Variants in MYZAP observed in about 807,000 individuals in gnomAD.
The protein encoded by MYZAP is myocardial zonula adherens protein.
Under a neutral mutation model 69.4 loss-of-function variants are expected in MYZAP, and 66 were observed. The ratio of observed to expected loss-of-function variants is 0.95; its 90% CI spans 0.78 to 1.17. The LOEUF (loss-of-function observed/expected upper bound fraction) is 1.17. Among genes scored for constraint, MYZAP ranks in the 50% most tolerant of loss-of-function variants. The probability of loss-of-function intolerance (pLI) is 0.00; values close to 1 mark genes in which losing one functional copy is unlikely to be tolerated. For missense variants in MYZAP, 611 were observed against 556.2 expected (o/e 1.10, Z -0.99); for synonymous variants, 256 against 205.9 (o/e 1.24, Z -2.09).
At chr15:57,651,467 T>G (rs1312950556) in intron 10 of MYZAP, among the ~76,000 whole-genome samples, 2 of 152,188 alleles carry the variant, frequency 1.3e-5, no homozygotes. Context: ...AGATATCACA[T>G]GTCAACCTTC....
chr15:57,680,963 G>C (rs1567245285), intron 12 of MYZAP, among the ~76,000 whole-genome samples: 1 of 152,228 alleles, frequency 6.6e-6, no homozygotes, highest in Admixed American at 6.5e-5. Context: ...AAGGCAAATG[G>C]TTGGGTTTCA....
chr15:57,662,343 A>G (rs1466296742), intron 11 of MYZAP, among the ~76,000 whole-genome samples: 1 of 152,254 alleles, frequency 6.6e-6, no homozygotes, highest in African/African-American at 2.4e-5. Context: ...GAGAGAGCCC[A>G]GCAGACAATG....
intron 11 of MYZAP, 76 bp from the exon 12 acceptor site, chr15:57,674,892 C>A: frequency 7.8e-7 from 1 of 1,278,044 alleles, no homozygotes; most frequent in Non-Finnish European, 1.1e-6. Flanking sequence ...TCAGATAATA[C>A]ATATAAATTG....
chr15:57,597,954 C>T (rs998153731), intron 1 of MYZAP, among the ~76,000 whole-genome samples: 1 of 152,200 alleles, frequency 6.6e-6, no homozygotes, highest in African/African-American at 2.4e-5. Context: ...TTAAGGGGAG[C>T]TGGGCAGGGA....
chr15:57,651,150 T>C (rs2037705896), intron 10 of MYZAP, among the ~76,000 whole-genome samples: 1 of 152,248 alleles, frequency 6.6e-6, no homozygotes, highest in Non-Finnish European at 1.5e-5. Context: ...CTAGAGAGTG[T>C]TTACTTTCCA....
intron 2 of MYZAP, among the ~76,000 whole-genome samples, chr15:57,609,855 G>A (rs1247484433): frequency 6.6e-6 from 1 of 152,130 alleles, no homozygotes; most frequent in Non-Finnish European, 1.5e-5. Context: ...TTGAAATTAA[G>A]TACCTGTTGT....
At chr15:57,660,289 A>G (rs2470359) in intron 10 of MYZAP, among the ~76,000 whole-genome samples, 145,694 of 152,250 alleles carry the variant, frequency 0.96, 70,018 homozygotes, top group Non-Finnish European at 1. Context: ...CCATAGGAAT[A>G]GTGTCATTTT....
intron 10 of MYZAP, among the ~76,000 whole-genome samples, chr15:57,649,473 T>C (rs1380403226): frequency 6.6e-6 from 1 of 152,242 alleles, no homozygotes; most frequent in Non-Finnish European, 1.5e-5. Flanking sequence ...GAAACTTTTC[T>C]TAAGCTTATT....
intron 6 of MYZAP, 59 bp from the exon 7 acceptor site, chr15:57,632,375 A>G: frequency 6.2e-7 from 1 of 1,608,724 alleles, no homozygotes; most frequent in East Asian, 2.2e-5. Context: ...GTGCAGTGGA[A>G]GCTGCCAATT....
At chr15:57,619,291 A>G (rs1332278320) in intron 3 of MYZAP, among the ~76,000 whole-genome samples, 1 of 152,238 alleles carries the variant, frequency 6.6e-6, no homozygotes, top group Admixed American at 6.5e-5. Context: ...CATAATGTAT[A>G]TGACAGCCAC....
At chr15:57,669,200 A>AT (rs2140591854) in intron 11 of MYZAP, among the ~76,000 whole-genome samples, 1 of 151,970 alleles carries the variant, frequency 6.6e-6, no homozygotes, top group South Asian at 2.1e-4. Flanking sequence ...TGTTGAAGAG[A>AT]TTTTTTATTT....
rs1426456291 is a variant in MYZAP, at chr15:57,661,446, C to A, written c.1120-4C>A. 4.4e-6 allele frequency: 7 copies of A among 1,602,986 alleles called. No individual in the cohort carries two copies. The highest frequency in any genetic ancestry group is 6.0e-6 in the Non-Finnish European group (7 of 1,174,466). On this transcript the variant is annotated splice_region_variant and splice_polypyrimidine_tract_variant and intron_variant, in intron 10 of 12. Transcript: ENST00000267853. Reference sequence around the variant, plus strand: ...TTAACAATTTTCCATCCCTTTCTTTCTAGATTGAATCATTAAAGAAAAAGT... The same window carrying A: ...TTAACAATTTTCCATCCCTTTCTTTATAGATTGAATCATTAAAGAAAAAGT...
chr15:57,610,740 C>A (rs2035052394), intron 2 of MYZAP, among the ~76,000 whole-genome samples: 1 of 152,176 alleles, frequency 6.6e-6, no homozygotes, highest in African/African-American at 2.4e-5. Context: ...AAGATCAGGG[C>A]TATGTTGGCT....
intron 4 of MYZAP, among the ~76,000 whole-genome samples, chr15:57,623,106 C>T (rs957085578): frequency 1.3e-5 from 2 of 152,152 alleles, no homozygotes; most frequent in African/African-American, 2.4e-5. Flanking sequence ...CTCACCTCAT[C>T]GTAAGATAAA....
intron 10 of MYZAP, among the ~76,000 whole-genome samples, chr15:57,658,915 G>C (rs2038140741): frequency 6.6e-6 from 1 of 152,102 alleles, no homozygotes; most frequent in Non-Finnish European, 1.5e-5. Context: ...TGATTAACTG[G>C]AATTATTCTG....
At chr15:57,635,364 C>T (rs2036754905) in intron 8 of MYZAP, among the ~76,000 whole-genome samples, 1 of 152,080 alleles carries the variant, frequency 6.6e-6, no homozygotes, top group African/African-American at 2.4e-5. Context: ...AAATGTCTAC[C>T]CTCAGAGTCA....
At chr15:57,625,688 G>T (rs1463612822) in intron 4 of MYZAP, 91 bp from the exon 5 acceptor site, 9 of 1,128,264 alleles carry the variant, frequency 8.0e-6, no homozygotes, top group African/African-American at 1.5e-5. Context: ...AGTAGATGTG[G>T]CTTCTAACAG....
chr15:57,672,729 T>G (rs1476011181), intron 11 of MYZAP, among the ~76,000 whole-genome samples: 1 of 152,228 alleles, frequency 6.6e-6, no homozygotes, highest in Non-Finnish European at 1.5e-5. Flanking sequence ...CACACCTGTG[T>G]AATGCAATAA....
intron 2 of MYZAP, among the ~76,000 whole-genome samples, 183 bp downstream of exon 2, chr15:57,604,538 C>T (rs529197267): frequency 1.8e-4 from 28 of 152,270 alleles, no homozygotes; most frequent in African/African-American, 6.0e-4. Context: ...TCTCCCTAGC[C>T]GGCTCTGCCA....
Sources: gnomAD v4.1 joint callset for allele counts (sites outside exome capture counted in the v4.1 genomes callset) on GRCh38, gnomAD v4.1.1 for gene constraint, MANE v1.5 for transcripts, NCBI Gene and HGNC (gene_info 2026-07-23, HGNC 2026-07-21) for gene names.